TSHZ3: variants seen among roughly 807,000 people sequenced by gnomAD.
TSHZ3 encodes the protein teashirt zinc finger homeobox 3.
Under a neutral mutation model 64.5 loss-of-function variants are expected in TSHZ3, and 10 were observed. The ratio of observed to expected loss-of-function variants is 0.16; its 90% CI spans 0.10 to 0.26. TSHZ3 has a LOEUF of 0.26. TSHZ3 is among the 10% of genes least tolerant of loss of function. The pLI, the probability that TSHZ3 is intolerant of heterozygous loss-of-function variation, is 1.00. For synonymous variants in TSHZ3, 608 were observed against 593.1 expected (o/e 1.03, Z -0.36); for missense variants, 1,242 against 1,421.7 (o/e 0.87, Z 2.03).
At chr19:31,220,143 T>C (rs1568351721) in intron 4 of TSHZ3, among the ~76,000 whole-genome samples, 1 of 152,146 alleles carries the variant, frequency 6.6e-6, no homozygotes, top group Non-Finnish European at 1.5e-5. Flanking sequence ...GAGAGATAGA[T>C]TTAAGAGGAA....
At chr19:31,330,249 A>G (rs1480093218) in intron 1 of TSHZ3, among the ~76,000 whole-genome samples, 1 of 152,172 alleles carries the variant, frequency 6.6e-6, no homozygotes, top group Non-Finnish European at 1.5e-5. Flanking sequence ...AACTCTCAAC[A>G]GCTGCCCTGA....
At position 31,313,528 on chromosome 19, in the gene TSHZ3, G is replaced by A. The variant is rs527653762; in HGVS notation, c.41-33776C>T. On this transcript the variant is annotated intron_variant, in intron 1 of 1. Coordinates refer to ENST00000240587, the MANE Select transcript of TSHZ3 (RefSeq NM_020856.4). Reference sequence around the variant, plus strand: ...AGGGTGGCCACGCTCCTGGCACTGCGTACCACCTGCCTGTTGGGCTGCGGA... The same window carrying A: ...AGGGTGGCCACGCTCCTGGCACTGCATACCACCTGCCTGTTGGGCTGCGGA... Among the ~76,000 whole-genome samples the A allele has an allele frequency of 9.8e-5, 15 of 152,300 alleles. No individual in the cohort carries two copies. The South Asian group carries it at 1.5e-3, about 15-fold the overall frequency.
intron 1 of TSHZ3, among the ~76,000 whole-genome samples, chr19:31,269,391 A>AT (rs1205055757): frequency 2.6e-5 from 4 of 151,714 alleles, no homozygotes; most frequent in Admixed American, 6.6e-5. Flanking sequence ...CCGTACCTCC[A>AT]TTTTTTTTAA....
rs975194633 is a variant in TSHZ3 at position 31,345,707 on chromosome 19, G to A, written c.40+3473C>T. On this transcript the variant is annotated intron_variant, in intron 1 of 1. Coordinates refer to ENST00000240587, the MANE Select transcript of TSHZ3 (RefSeq NM_020856.4). The stretch of plus-strand genomic sequence containing the variant: ...TGTTTGGTTTTTTTTTCTTTTGGAA[G>A]CATAAGAAATGGTCTTTTATGATTT... Among the ~76,000 whole-genome samples, 3 of 151,728 alleles carry A rather than the reference G, an allele frequency of 2.0e-5. No homozygotes were observed. The South Asian group carries it at 6.2e-4, about 32-fold the overall frequency.
chr19:31,175,565 C>G (rs1974595508), intron 5 of TSHZ3, among the ~76,000 whole-genome samples: 1 of 152,182 alleles, frequency 6.6e-6, no homozygotes, highest in Non-Finnish European at 1.5e-5. Context: ...TAGATTGGGT[C>G]TCAGAGGCTG....
At chr19:31,313,640 G>A (rs1427647955) in intron 1 of TSHZ3, among the ~76,000 whole-genome samples, 1 of 152,216 alleles carries the variant, frequency 6.6e-6, no homozygotes, top group Non-Finnish European at 1.5e-5. Flanking sequence ...AACAGGCAGC[G>A]ACATGTGACA....
intron 5 of TSHZ3, among the ~76,000 whole-genome samples, chr19:31,190,477 GA>G (rs1974887196): frequency 6.6e-6 from 1 of 151,994 alleles, no homozygotes; most frequent in South Asian, 2.1e-4. Context: ...TTCAATCTCG[GA>G]AAAGGAACAA....
intron 1 of TSHZ3, among the ~76,000 whole-genome samples, chr19:31,292,110 T>C (rs1568371248): frequency 6.6e-6 from 1 of 152,172 alleles, no homozygotes; most frequent in Non-Finnish European, 1.5e-5. Context: ...CTTTTTACCT[T>C]TTATTCTACA....
At chr19:31,194,274 A>G (rs1313842907) in intron 5 of TSHZ3, among the ~76,000 whole-genome samples, 1 of 152,212 alleles carries the variant, frequency 6.6e-6, no homozygotes, top group African/African-American at 2.4e-5. Flanking sequence ...CCCACACTGA[A>G]TACTGGAGAA....
intron 4 of TSHZ3, among the ~76,000 whole-genome samples, chr19:31,217,488 T>A (rs536009166): frequency 4.6e-5 from 7 of 152,160 alleles, no homozygotes; most frequent in African/African-American, 1.7e-4. Flanking sequence ...AAAAATAAAC[T>A]AGACTTTATT....
intron 4 of TSHZ3, among the ~76,000 whole-genome samples, chr19:31,217,929 A>G (rs1027758327): frequency 1.3e-5 from 2 of 152,244 alleles, no homozygotes; most frequent in African/African-American, 4.8e-5. Context: ...CATGTAAAAC[A>G]CAAAACAATA....
At chr19:31,231,569 AG>A (rs1437796562) in intron 3 of TSHZ3, among the ~76,000 whole-genome samples, 1 of 152,232 alleles carries the variant, frequency 6.6e-6, no homozygotes, top group African/African-American at 2.4e-5. Flanking sequence ...CTGATTTACA[AG>A]TTGGATTTAT....
At chr19:31,168,629 A>C (rs1009525975) in intron 5 of TSHZ3, among the ~76,000 whole-genome samples, 1 of 152,228 alleles carries the variant, frequency 6.6e-6, no homozygotes. Context: ...TTCCACCAGC[A>C]AGCTCAACGT....
chr19:31,208,860 C>A (rs1975222444), intron 4 of TSHZ3, among the ~76,000 whole-genome samples: 1 of 152,170 alleles, frequency 6.6e-6, no homozygotes, highest in African/African-American at 2.4e-5. Flanking sequence ...CAGCCCCAGC[C>A]ATAAATTGAG....
chr19:31,195,097 G>C (rs1974965294), intron 5 of TSHZ3, among the ~76,000 whole-genome samples: 1 of 151,886 alleles, frequency 6.6e-6, no homozygotes, highest in Non-Finnish European at 1.5e-5. Flanking sequence ...GAGAACTATA[G>C]GACAAATATA....
intron 1 of TSHZ3, among the ~76,000 whole-genome samples, chr19:31,340,339 A>AG (rs1491163935): frequency 2.4e-5 from 1 of 42,150 alleles, no homozygotes; most frequent in Admixed American, 2.2e-4. Flanking sequence ...CCTACAGTAC[A>AG]AAAAAAAAAA....
At chr19:31,175,312 G>T (rs1974592405) in intron 5 of TSHZ3, among the ~76,000 whole-genome samples, 1 of 152,158 alleles carries the variant, frequency 6.6e-6, no homozygotes, top group South Asian at 2.1e-4. Context: ...TGAAATAAAG[G>T]AGAAGCTGTC....
At chr19:31,160,393 C>G (rs1321707021) in intron 5 of TSHZ3, among the ~76,000 whole-genome samples, 1 of 152,198 alleles carries the variant, frequency 6.6e-6, no homozygotes, top group Non-Finnish European at 1.5e-5. Context: ...ACAAAAGACA[C>G]CTCTTCTTTG....
At chr19:31,190,725 C>T (rs1974891385) in intron 5 of TSHZ3, among the ~76,000 whole-genome samples, 2 of 151,794 alleles carry the variant, frequency 1.3e-5, no homozygotes, top group Non-Finnish European at 2.9e-5. Flanking sequence ...CTGTAGAAAT[C>T]GACTCTGAAA....
Sources: gnomAD v4.1 joint callset for allele counts (sites outside exome capture counted in the v4.1 genomes callset) on GRCh38, gnomAD v4.1.1 for gene constraint, MANE v1.5 for transcripts, NCBI Gene and HGNC (gene_info 2026-07-23, HGNC 2026-07-21) for gene names.